The following CUX1 variants were observed in gnomAD, a reference collection of about 807,000 sequenced individuals.
CUX1 encodes the protein protein CASP.
CUX1 carries 31 observed loss-of-function variants against 158.8 expected under a neutral mutation model. The ratio of observed to expected loss-of-function variants is 0.20; its 90% CI spans 0.15 to 0.26. The LOEUF (loss-of-function observed/expected upper bound fraction) is 0.26, where lower values mean the gene tolerates loss of function less well. CUX1 is among the 10% of genes least tolerant of loss of function. The probability of loss-of-function intolerance (pLI) is 1.00; values close to 1 mark genes in which losing one functional copy is unlikely to be tolerated. For missense variants in CUX1, 1,589 were observed against 2,014.6 expected (o/e 0.79, Z 4.04); for synonymous variants, 879 against 862.1 (o/e 1.02, Z -0.34).
intron 13 of CUX1, among the ~76,000 whole-genome samples, chr7:102,194,946 C>A (rs987453573): frequency 6.6e-6 from 1 of 151,996 alleles, no homozygotes; most frequent in Non-Finnish European, 1.5e-5. Flanking sequence ...ATCACTTGAA[C>A]CCAGGAGCCA....
chr7:102,109,604 T>G (rs1390756008), intron 6 of CUX1, among the ~76,000 whole-genome samples: 1 of 151,912 alleles, frequency 6.6e-6, no homozygotes, highest in African/African-American at 2.4e-5. Flanking sequence ...GCCAACATGG[T>G]GAAACCCCAT....
chr7:101,842,612 C>G (rs1487575067), intron 1 of CUX1, among the ~76,000 whole-genome samples: 1 of 152,066 alleles, frequency 6.6e-6, no homozygotes, highest in African/African-American at 2.4e-5. Flanking sequence ...TCTTTAACTC[C>G]CGGACTCAAG....
In CUX1 at chr7:101,868,075, G is replaced by A. The variant is rs926108080; in HGVS notation, c.31-48040G>A. On this transcript the variant is annotated intron_variant, in intron 1 of 23. Transcript: ENST00000292535. ...TTACCCAGGCTGGTCTCAAACTCCC[G>A]GCCTCAAGCGATCCTCTTGCCTTCA... Among the ~76,000 whole-genome samples, 10 of 152,214 alleles carry A rather than the reference G, an allele frequency of 6.6e-5. No homozygotes were observed. The South Asian group carries it at 1.7e-3, about 25-fold the overall frequency.
intron 20 of CUX1, among the ~76,000 whole-genome samples, chr7:102,212,861 T>C (rs2268030): frequency 0.21 from 31,877 of 152,186 alleles, 3,938 homozygotes; most frequent in Non-Finnish European, 0.28. Context: ...TGTGTACATG[T>C]GTGAGAGGGA....
At chr7:101,998,969 C>T (rs1448336495) in intron 2 of CUX1, among the ~76,000 whole-genome samples, 1 of 152,134 alleles carries the variant, frequency 6.6e-6, no homozygotes, top group Admixed American at 6.5e-5. Context: ...GGTGCCTCTG[C>T]AGCATTTCCC....
chr7:101,841,092 A>G (rs1795154384), intron 1 of CUX1, among the ~76,000 whole-genome samples: 1 of 151,912 alleles, frequency 6.6e-6, no homozygotes, highest in South Asian at 2.1e-4. Flanking sequence ...ACGGGGTTTC[A>G]CCGTGTTAGG....
intron 8 of CUX1, among the ~76,000 whole-genome samples, chr7:102,119,690 G>C (rs1831831639): frequency 6.6e-6 from 1 of 152,180 alleles, no homozygotes; most frequent in African/African-American, 2.4e-5. Context: ...TTAAATAAAT[G>C]AATTATTTCT....
intron 8 of CUX1, among the ~76,000 whole-genome samples, chr7:102,149,727 G>A (rs1425510558): frequency 2.6e-5 from 4 of 152,244 alleles, no homozygotes; most frequent in Admixed American, 1.3e-4. Flanking sequence ...TTTGTGCTCC[G>A]ATCAGCTTTT....
intron 14 of CUX1, among the ~76,000 whole-genome samples, chr7:102,195,884 G>C (rs1554518167): frequency 6.6e-6 from 1 of 152,208 alleles, no homozygotes; most frequent in Non-Finnish European, 1.5e-5. Context: ...GGGACAGCTC[G>C]GAGGACGTCG....
chr7:102,003,271 C>G (rs1816918972), intron 2 of CUX1, among the ~76,000 whole-genome samples: 1 of 150,392 alleles, frequency 6.6e-6, no homozygotes, highest in African/African-American at 2.5e-5. Flanking sequence ...AGCCCCTCCC[C>G]ACTAAGCCCA....
At chr7:101,859,385 A>C (rs1458981562) in intron 1 of CUX1, among the ~76,000 whole-genome samples, 1 of 152,216 alleles carries the variant, frequency 6.6e-6, no homozygotes, top group Non-Finnish European at 1.5e-5. Flanking sequence ...TTCTTTTAAA[A>C]ATATCTTTTC....
At chr7:102,159,603 G>A (rs1189901101) in intron 9 of CUX1, among the ~76,000 whole-genome samples, 1 of 152,246 alleles carries the variant, frequency 6.6e-6, no homozygotes, top group Non-Finnish European at 1.5e-5. Flanking sequence ...GCTCACGCCT[G>A]TAATCCCAGC....
chr7:102,021,334 G>T (rs1351339081), intron 2 of CUX1, among the ~76,000 whole-genome samples: 1 of 151,906 alleles, frequency 6.6e-6, no homozygotes, highest in African/African-American at 2.4e-5. Flanking sequence ...TTGGAGACAG[G>T]GTCTTGCTCT....
At chr7:102,167,073 G>T (rs1397198762) in intron 9 of CUX1, among the ~76,000 whole-genome samples, 1 of 152,052 alleles carries the variant, frequency 6.6e-6, no homozygotes, top group Non-Finnish European at 1.5e-5. Flanking sequence ...TTCAAGACCA[G>T]CCTGGCCAAC....
rs1554540707 is a variant in CUX1 at position 102,252,949 on chromosome 7, T to A, written c.*3907T>A. On this transcript the variant is annotated 3_prime_UTR_variant, in exon 24 of 24. Coordinates refer to ENST00000292535, the MANE Select transcript of CUX1 (RefSeq NM_181552.4). ...ATTGGGGTGACAGCCCAGGGATGCA[T>A]GCATGGGAGAACTCTCTGAGAAATG... 1 of 985,306 alleles carries A rather than the reference T, an allele frequency of 1.0e-6. No individual in the cohort carries two copies. The highest frequency in any genetic ancestry group is 6.2e-5 in the Admixed American group (1 of 16,254). 61.0% of individuals were successfully genotyped at this position (985,306 alleles called of 1,614,324 possible).
At chr7:101,872,378 C>T (rs1386922164) in intron 1 of CUX1, among the ~76,000 whole-genome samples, 1 of 152,108 alleles carries the variant, frequency 6.6e-6, no homozygotes, top group Non-Finnish European at 1.5e-5. Flanking sequence ...AAATGATCCA[C>T]CCACCTTGGC....
intron 3 of CUX1, among the ~76,000 whole-genome samples, chr7:102,067,565 G>GA (rs1040742675): frequency 5.4e-5 from 8 of 148,328 alleles, no homozygotes; most frequent in Middle Eastern, 3.4e-3. Context: ...ATATAATTAG[G>GA]AAAAAAAAAT....
intron 1 of CUX1, among the ~76,000 whole-genome samples, chr7:101,848,739 C>T (rs929882705): frequency 3.3e-5 from 5 of 151,304 alleles, no homozygotes; most frequent in Non-Finnish European, 2.9e-5. Flanking sequence ...TGGCCGGGTG[C>T]GGTGGTTTAT....
intron 1 of CUX1, among the ~76,000 whole-genome samples, chr7:101,892,019 C>G (rs1800929713): frequency 1.3e-5 from 2 of 152,174 alleles, no homozygotes; most frequent in Non-Finnish European, 2.9e-5. Flanking sequence ...TGGGCAGTGC[C>G]TATTTCAGCA....
Sources: allele counts gnomAD v4.1 joint callset (sites outside exome capture counted in the v4.1 genomes callset), GRCh38; gene constraint gnomAD v4.1.1; transcripts MANE v1.5; gene names NCBI Gene and HGNC (gene_info 2026-07-23, HGNC 2026-07-21).